DSG1: variants seen among roughly 807,000 people sequenced by gnomAD.
DSG1 encodes the protein desmoglein 1.
A neutral mutation model predicts 97.5 loss-of-function variants in DSG1; 39 were observed. That is an observed-to-expected ratio of 0.40 (90% CI 0.31 to 0.52). The LOEUF (loss-of-function observed/expected upper bound fraction) is 0.52, where lower values mean the gene tolerates loss of function less well. Ranked by LOEUF, DSG1 falls within the 20% of genes least tolerant of loss-of-function variation. DSG1 has a pLI of 0.53. For missense variants in DSG1, 1,311 were observed against 1,295.4 expected (o/e 1.01, Z -0.18); for synonymous variants, 475 against 443.4 (o/e 1.07, Z -0.90).
At chr18:31,338,256 TTAAAA>T (rs2071767334) in intron 9 of DSG1, 54 bp from the exon 10 acceptor site, 2 of 1,531,630 alleles carry the variant, frequency 1.3e-6, no homozygotes, top group Admixed American at 1.7e-5. Context: ...ACATTTTAAA[TTAAAA>T]TTTCTTTTTT....
At position 31,355,717 on chromosome 18, in the gene DSG1, C is replaced by T. The variant is rs1176996370; in HGVS notation, c.*371C>T. ...CAAAATTCAAAAAGAACTAAATATGCAATATATGTTCATATCTATGGGAAA... is the reference window on the plus strand; with the variant it reads ...CAAAATTCAAAAAGAACTAAATATGTAATATATGTTCATATCTATGGGAAA... On this transcript the variant is annotated 3_prime_UTR_variant, in exon 15 of 15. Transcript: ENST00000257192. The T allele has an allele frequency of 3.9e-6, 1 of 259,262 alleles. No individual in the cohort carries two copies. The highest frequency in any genetic ancestry group is 2.2e-5 in the African/African-American group (1 of 45,372). 16.1% of individuals were successfully genotyped at this position (259,262 alleles called of 1,614,324 possible).
At chr18:31,334,630 T>C (rs16961653) in intron 8 of DSG1, among the ~76,000 whole-genome samples, 8,495 of 152,186 alleles carry the variant, frequency 0.056, 363 homozygotes, top group South Asian at 0.13. Flanking sequence ...TAAAAATGTA[T>C]TTATTCCTCC....
intron 4 of DSG1, among the ~76,000 whole-genome samples, chr18:31,328,616 TA>T (rs1226614117): frequency 2.0e-5 from 3 of 152,184 alleles, no homozygotes; most frequent in African/African-American, 7.2e-5. Context: ...CCTAACTTTT[TA>T]ATTTTTCCTT....
chr18:31,354,059 A>T, intron 14 of DSG1: 1 of 504,866 alleles, frequency 2.0e-6, no homozygotes, highest in Non-Finnish European at 3.5e-6. Context: ...ATTATAAATA[A>T]GTCCATCTAA....
In DSG1 at chr18:31,358,209, A is replaced by G. The variant is rs2071974865; in HGVS notation, c.*2863A>G. ...ATAAAATATCTATCTGACTGTCTAA[A>G]GAGGTAATCTTTAGGAGCAAAAATC... On this transcript the variant is annotated 3_prime_UTR_variant, in exon 15 of 15. Transcript: ENST00000257192. Among the ~76,000 whole-genome samples the G allele has an allele frequency of 6.6e-6, 1 of 152,020 alleles. No individual in the cohort carries two copies. The highest frequency in any genetic ancestry group is 1.5e-5 in the Non-Finnish European group (1 of 67,882).
chr18:31,328,383 A>C, intron 4 of DSG1, 39 bp downstream of exon 4: 1 of 1,586,856 alleles, frequency 6.3e-7, no homozygotes, highest in Non-Finnish European at 8.6e-7. Context: ...TTCATGCTTA[A>C]ATTCTTCTCA....
chr18:31,324,514 G>A (rs1338704812), intron 1 of DSG1, among the ~76,000 whole-genome samples: 1 of 152,098 alleles, frequency 6.6e-6, no homozygotes, highest in African/African-American at 2.4e-5. Flanking sequence ...TCCAATTGCT[G>A]ATCATCTTCA....
rs1361310170 is a variant in DSG1, at chr18:31,339,967, T to G, written c.1629T>G (p.Asn543Lys). The change falls in exon 11 of 15, where the codon AAT becomes AAG. Residue 543 changes from asparagine (N) to lysine (K), a missense_variant. By Grantham distance (94) the Asn-to-Lys change is moderately conservative. Transcript: ENST00000257192. Reference sequence around the variant, plus strand: ...GAGCCAAAGATTTGTTATCAGACAATGTACATTTTGGTCCTGCTGGCATTG... The same window carrying G: ...GAGCCAAAGATTTGTTATCAGACAAGGTACATTTTGGTCCTGCTGGCATTG... The part of the protein sequence containing the change: ...GNGAKDLLSD[N>K]VHFGPAGIGL... 2.2e-5 allele frequency: 36 copies of G among 1,614,112 alleles called. No individual in the cohort carries two copies. The highest frequency in any genetic ancestry group is 2.7e-5 in the Non-Finnish European group (32 of 1,179,988).
chr18:31,318,342 T>A lies in DSG1; in HGVS notation c.42T>A (p.Ile14=). Reference sequence around the variant, plus strand: ...TCAGAGTAGTTGCAATGCTGTTCATTTTTCTGGTGAGTGGATTCTGGTAAA... The same window carrying A: ...TCAGAGTAGTTGCAATGCTGTTCATATTTCTGGTGAGTGGATTCTGGTAAA... ...SFFRVVAMLF[I]FLVVVEVNSE... The change falls in exon 1 of 15, where the codon ATT becomes ATA. Residue 14 remains isoleucine, a synonymous_variant. Coordinates refer to ENST00000257192, the MANE Select transcript of DSG1 (RefSeq NM_001942.4). 1 of 1,613,202 alleles carries A rather than the reference T, an allele frequency of 6.2e-7. No individual in the cohort carries two copies. The highest frequency in any genetic ancestry group is 8.5e-7 in the Non-Finnish European group (1 of 1,179,150).
At chr18:31,346,500 T>C (rs533970781) in intron 14 of DSG1, among the ~76,000 whole-genome samples, 1 of 152,200 alleles carries the variant, frequency 6.6e-6, no homozygotes, top group African/African-American at 2.4e-5. Context: ...CCCTCTTATC[T>C]CCAATTACTC....
chr18:31,355,731 A>G lies in DSG1; in HGVS notation c.*385A>G, dbSNP rs12486. On this transcript the variant is annotated 3_prime_UTR_variant, in exon 15 of 15. Transcript: ENST00000257192. ...AACTAAATATGCAATATATGTTCAT[A>G]TCTATGGGAAAAATCTAAAATGTGT... The G allele has an allele frequency of 0.032, 6,357 of 200,186 alleles. 438 individuals carry two copies. Among genetic ancestry groups the G allele is most frequent in the African/African-American group, 0.14 (5,981 of 43,260 alleles). 12.4% of individuals were successfully genotyped at this position (200,186 alleles called of 1,614,324 possible).
In DSG1 at chr18:31,338,302, C is replaced by G. The variant is rs370806056; in HGVS notation, c.1266-13C>G. ...AGCTGACATTAATTTGTATCATTTT[C>G]TTTCAAATACAGGTATGTAATGGGA... On this transcript the variant is annotated splice_polypyrimidine_tract_variant and intron_variant, in intron 9 of 14. Coordinates refer to ENST00000257192, the MANE Select transcript of DSG1 (RefSeq NM_001942.4). 143 of 1,612,542 alleles carry G rather than the reference C, an allele frequency of 8.9e-5. No homozygotes were observed. Among genetic ancestry groups the G allele is most frequent in the Non-Finnish European group, 1.2e-4 (142 of 1,179,220 alleles).
rs372266518 is a variant in DSG1, at chr18:31,321,096, G to A, written c.48+2748G>A. On this transcript the variant is annotated intron_variant, in intron 1 of 14. Coordinates refer to ENST00000257192, the MANE Select transcript of DSG1 (RefSeq NM_001942.4). ...TTTCTATGGGTTAATATTTCATTTC[G>A]AAACAAACAAACAAAAAAAAACCCA... Among the ~76,000 whole-genome samples, 14 of 146,854 alleles carry A rather than the reference G, an allele frequency of 9.5e-5. 1 individual carries two copies. In the East Asian group the frequency reaches 9.8e-4, roughly 10 times the overall value.
rs181078256 is a variant in DSG1 at position 31,358,122 on chromosome 18, A to T, written c.*2776A>T. ...TTCAGATCAACTTGCTCTTAACAAA[A>T]GGAAAAAGAAATAGTAATTTAATAC... On this transcript the variant is annotated 3_prime_UTR_variant, in exon 15 of 15. Coordinates refer to ENST00000257192, the MANE Select transcript of DSG1 (RefSeq NM_001942.4). Among the ~76,000 whole-genome samples, 113 of 152,130 alleles carry T rather than the reference A, an allele frequency of 7.4e-4. 1 individual carries two copies. Among genetic ancestry groups the T allele is most frequent in the Middle Eastern group, 6.8e-3 (2 of 292 alleles).
chr18:31,325,369 A>AT (rs2071679440), intron 1 of DSG1, among the ~76,000 whole-genome samples: 1 of 152,234 alleles, frequency 6.6e-6, no homozygotes, highest in Non-Finnish European at 1.5e-5. Flanking sequence ...CAGATAACAG[A>AT]TCCATGCACA....
intron 5 of DSG1, 152 bp from the exon 6 acceptor site, chr18:31,331,549 G>C: frequency 1.5e-6 from 1 of 657,834 alleles, no homozygotes; most frequent in South Asian, 1.8e-5. Flanking sequence ...AAAGAGCTAA[G>C]ATATCCATAT....
At chr18:31,342,774 A>G (rs1326506252) in intron 11 of DSG1, among the ~76,000 whole-genome samples, 2 of 152,232 alleles carry the variant, frequency 1.3e-5, no homozygotes, top group African/African-American at 2.4e-5. Context: ...GACATGGAGG[A>G]GAGAACACAA....
chr18:31,344,957 A>C (rs180807326), intron 13 of DSG1, among the ~76,000 whole-genome samples: 14 of 152,338 alleles, frequency 9.2e-5, no homozygotes, highest in Non-Finnish European at 1.5e-4. Flanking sequence ...AACTCGACAC[A>C]GTAGTCTTTA....
At chr18:31,342,688 CAG>C (rs773301706) in intron 11 of DSG1, among the ~76,000 whole-genome samples, 2 of 152,022 alleles carry the variant, frequency 1.3e-5, no homozygotes, top group Non-Finnish European at 2.9e-5. Context: ...AATAGCCTCA[CAG>C]AGAATTGTTG....
Sources: gnomAD v4.1 joint callset for allele counts (sites outside exome capture counted in the v4.1 genomes callset) on GRCh38, gnomAD v4.1.1 for gene constraint, MANE v1.5 for transcripts, NCBI Gene and HGNC (gene_info 2026-07-23, HGNC 2026-07-21) for gene names.